NEDD9: variants seen among roughly 807,000 people sequenced by gnomAD.
NEDD9 encodes neural precursor cell expressed, developmentally down-regulated 9, also known as enhancer of filamentation 1.
Under a neutral mutation model 76.6 loss-of-function variants are expected in NEDD9, and 26 were observed. That is an observed-to-expected ratio of 0.34 (90% confidence interval 0.25 to 0.47). The LOEUF (loss-of-function observed/expected upper bound fraction) is 0.47, where lower values mean the gene tolerates loss of function less well. NEDD9 is among the 20% of genes least tolerant of loss of function. The probability of loss-of-function intolerance (pLI) is 1.00; values close to 1 mark genes in which losing one functional copy is unlikely to be tolerated. For missense variants in NEDD9, 937 were observed against 1,058.5 expected (o/e 0.89, Z 1.59); for synonymous variants, 392 against 414.2 (o/e 0.95, Z 0.65).
chr6:11,315,708 G>T (rs184470272), intron 2 of NEDD9, among the ~76,000 whole-genome samples: 1 of 152,236 alleles, frequency 6.6e-6, no homozygotes, highest in Admixed American at 6.5e-5. Context: ...ATCCTCAGGT[G>T]TGTTTTAAAG....
intron 3 of NEDD9, among the ~76,000 whole-genome samples, chr6:11,276,625 A>AT (rs1282481290): frequency 6.6e-6 from 1 of 152,024 alleles, no homozygotes; most frequent in Non-Finnish European, 1.5e-5. Context: ...CCTCATTAGG[A>AT]TTTTTTTTAA....
At chr6:11,313,348 G>A (rs972278103) in intron 2 of NEDD9, among the ~76,000 whole-genome samples, 9 of 151,418 alleles carry the variant, frequency 5.9e-5, no homozygotes, top group Admixed American at 2.0e-4. Flanking sequence ...GATAGTGGAT[G>A]GATGGCTGAG....
At chr6:11,340,340 T>C (rs966841842) in intron 1 of NEDD9, among the ~76,000 whole-genome samples, 3 of 152,190 alleles carry the variant, frequency 2.0e-5, no homozygotes, top group Admixed American at 2.0e-4. Context: ...GGTACAGTAA[T>C]AATCATCAGA....
chr6:11,312,982 C>T (rs1433137063), intron 2 of NEDD9, among the ~76,000 whole-genome samples: 2 of 152,212 alleles, frequency 1.3e-5, no homozygotes, highest in African/African-American at 4.8e-5. Context: ...TAAGGTGACT[C>T]ATAAGGCCAT....
intron 3 of NEDD9, among the ~76,000 whole-genome samples, chr6:11,242,095 G>A (rs1463454868): frequency 6.6e-6 from 1 of 152,232 alleles, no homozygotes; most frequent in Non-Finnish European, 1.5e-5. Context: ...AGGACTGGGT[G>A]GTGATAAAGA....
At chr6:11,235,110 G>T (rs1759572262), upstream of NEDD9, among the ~76,000 whole-genome samples, 1 of 152,126 alleles carries the variant, frequency 6.6e-6, no homozygotes, top group Non-Finnish European at 1.5e-5. The surrounding 1 kb of genome is among the most constrained non-coding windows in gnomAD (Gnocchi z 4.1). Context: ...AATGTGGATA[G>T]AATTTAATAG....
chr6:11,269,719 TATTA>T (rs1458458645), intron 3 of NEDD9, among the ~76,000 whole-genome samples: 2 of 152,240 alleles, frequency 1.3e-5, no homozygotes, highest in Admixed American at 6.5e-5. Flanking sequence ...ATGGATCACT[TATTA>T]ATTGAGTTGT....
chr6:11,296,524 C>G (rs1398839043), intron 3 of NEDD9, among the ~76,000 whole-genome samples: 1 of 152,196 alleles, frequency 6.6e-6, no homozygotes, highest in Non-Finnish European at 1.5e-5. Flanking sequence ...TACTACAAAC[C>G]TGAGGCAGAT....
intron 3 of NEDD9, among the ~76,000 whole-genome samples, chr6:11,265,750 C>G (rs1396381681): frequency 6.6e-6 from 1 of 152,050 alleles, no homozygotes; most frequent in Admixed American, 6.5e-5. Flanking sequence ...TATCACAGCA[C>G]TATTCACAAT....
At chr6:11,282,280 T>C (rs1486814589) in intron 3 of NEDD9, among the ~76,000 whole-genome samples, 1 of 152,254 alleles carries the variant, frequency 6.6e-6, no homozygotes, top group Non-Finnish European at 1.5e-5. Flanking sequence ...TTGGCTTACA[T>C]GTTACCATGC....
At chr6:11,313,671 C>T (rs1190281939) in intron 2 of NEDD9, among the ~76,000 whole-genome samples, 1 of 152,164 alleles carries the variant, frequency 6.6e-6, no homozygotes, top group African/African-American at 2.4e-5. Context: ...TATGTTCCTA[C>T]CCTCACTCTG....
At chr6:11,278,262 T>G (rs1472464971) in intron 3 of NEDD9, among the ~76,000 whole-genome samples, 6 of 152,214 alleles carry the variant, frequency 3.9e-5, no homozygotes, top group Non-Finnish European at 8.8e-5. Flanking sequence ...AAGCGAATTC[T>G]GTACCCTGCC....
chr6:11,329,864 C>G (rs1336290998), intron 2 of NEDD9, among the ~76,000 whole-genome samples: 1 of 152,140 alleles, frequency 6.6e-6, no homozygotes, highest in Non-Finnish European at 1.5e-5. Context: ...AAAGAAGAAT[C>G]CAGTCCAAGA....
chr6:11,298,992 C>T (rs907327017), intron 3 of NEDD9, among the ~76,000 whole-genome samples: 1 of 152,198 alleles, frequency 6.6e-6, no homozygotes, highest in Admixed American at 6.5e-5. Flanking sequence ...ACCGGTTGGA[C>T]AGTGGATGCA....
chr6:11,309,525 G>A (rs769747649), intron 2 of NEDD9, among the ~76,000 whole-genome samples: 1 of 152,164 alleles, frequency 6.6e-6, no homozygotes, highest in Non-Finnish European at 1.5e-5. Context: ...GGGACTACAG[G>A]CTCACAGAAC....
At chr6:11,236,097 A>G (rs1174519591), upstream of NEDD9, among the ~76,000 whole-genome samples, 1 of 152,224 alleles carries the variant, frequency 6.6e-6, no homozygotes, top group East Asian at 1.9e-4. This position sits in a 1 kb window ranked among gnomAD's most constrained non-coding sequence, Gnocchi z 5.5. Context: ...GTCTCAGTGA[A>G]TACAGAAACA....
intron 1 of NEDD9, among the ~76,000 whole-genome samples, chr6:11,367,183 T>A (rs1762784800): frequency 6.6e-6 from 1 of 152,232 alleles, no homozygotes; most frequent in Non-Finnish European, 1.5e-5. Context: ...GTTTGTCTGG[T>A]TAAAATCACA....
chr6:11,368,963 T>C (rs967833426), intron 1 of NEDD9, among the ~76,000 whole-genome samples: 1 of 152,210 alleles, frequency 6.6e-6, no homozygotes, highest in Non-Finnish European at 1.5e-5. Flanking sequence ...CATTGACTCA[T>C]AAAACCTTCA....
chr6:11,192,478 G>T, intron 3 of NEDD9, 32 bp from the exon 4 acceptor site: 1 of 1,507,638 alleles, frequency 6.6e-7, no homozygotes, highest in Non-Finnish European at 9.2e-7. Context: ...ACCCAGAATG[G>T]AAATGTCTTA....
Sources: gnomAD v4.1 joint callset for allele counts (sites outside exome capture counted in the v4.1 genomes callset) on GRCh38, gnomAD v4.1.1 for gene constraint, Gnocchi (gnomAD v3.1) non-coding constraint, MANE v1.5 for transcripts, NCBI Gene and HGNC (gene_info 2026-07-23, HGNC 2026-07-21) for gene names.